The following KIAA1217 variants were observed in gnomAD, a reference collection of about 807,000 sequenced individuals.
KIAA1217 encodes the protein sickle tail protein homolog.
A neutral mutation model predicts 163.9 loss-of-function variants in KIAA1217; 88 were observed. The observed-to-expected ratio is 0.54, with a 90% CI of 0.45 to 0.64. KIAA1217 has a LOEUF of 0.64. Ranked by LOEUF, KIAA1217 falls within the 30% of genes least tolerant of loss-of-function variation. The pLI, the probability that KIAA1217 is intolerant of heterozygous loss-of-function variation, is 0.00. For missense variants in KIAA1217, 2,372 were observed against 2,475.0 expected (o/e 0.96, Z 0.88); for synonymous variants, 903 against 923.1 (o/e 0.98, Z 0.39).
At chr10:23,699,884 A>G (rs1049326796) in intron 1 of KIAA1217, among the ~76,000 whole-genome samples, 4 of 152,228 alleles carry the variant, frequency 2.6e-5, no homozygotes, top group African/African-American at 7.2e-5. Flanking sequence ...AAGGGAAGGA[A>G]CCAAGTGTTT....
At chr10:24,097,942 C>T (rs1173451629) in intron 2 of KIAA1217, among the ~76,000 whole-genome samples, 1 of 152,088 alleles carries the variant, frequency 6.6e-6, no homozygotes, top group Non-Finnish European at 1.5e-5. Flanking sequence ...GGGAAACTGC[C>T]TGGAACTACA....
rs1298412580 is a variant in KIAA1217 at position 23,704,164 on chromosome 10, GTGTGTGTGTATATATATATATA to G, written c.-321+8932_-321+8953del. On this transcript the variant is annotated intron_variant, in intron 1 of 18. Transcript: ENST00000376462. Reference sequence around the variant, plus strand: ...TGTGTGTATGTGTGTGTGTGTGTGTGTGTGTGTGTATATATATATATATATATATATATATATATATATATAT... The same window carrying G: ...TGTGTGTATGTGTGTGTGTGTGTGTGTATATATATATATATATATATATAT... 8.2e-3 allele frequency among the ~76,000 whole-genome samples: 658 copies of G among 80,592 alleles called. 13 individuals carry two copies. The highest frequency in any genetic ancestry group is 0.037 in the African/African-American group (621 of 16,858). The allele number at this position is 80,592 out of a possible 152,430, so 52.9% of individuals were successfully genotyped here.
At chr10:24,484,241 A>ATATATATTTTTTTT (rs1376083298) in intron 6 of KIAA1217, among the ~76,000 whole-genome samples, 1 of 75,146 alleles carries the variant, frequency 1.3e-5, no homozygotes, top group African/African-American at 4.9e-5. Context: ...ATATATATAT[A>ATATATATTTTTTTT]TTTTTTTTTT....
At chr10:24,258,586 C>CT (rs34467674) in intron 2 of KIAA1217, among the ~76,000 whole-genome samples, 2,621 of 138,204 alleles carry the variant, frequency 0.019, 55 homozygotes, top group African/African-American at 0.054. Context: ...GGGCTTACTT[C>CT]TTTTTTTTTT....
At chr10:24,483,794 A>G (rs2065002399) in intron 6 of KIAA1217, among the ~76,000 whole-genome samples, 1 of 152,182 alleles carries the variant, frequency 6.6e-6, no homozygotes, top group Admixed American at 6.5e-5. Context: ...TCAATTCCAG[A>G]ACACAAATGT....
At chr10:24,342,953 G>A (rs563747864) in intron 2 of KIAA1217, among the ~76,000 whole-genome samples, 5 of 152,140 alleles carry the variant, frequency 3.3e-5, no homozygotes, top group African/African-American at 7.2e-5. Context: ...CACTGCACCC[G>A]GCCGACTCAG....
chr10:24,423,323 C>T (rs1466490867), intron 3 of KIAA1217, among the ~76,000 whole-genome samples: 1 of 140,712 alleles, frequency 7.1e-6, no homozygotes, highest in Non-Finnish European at 1.6e-5. Context: ...CTCAGTTTGT[C>T]GCCCAGGCTG....
chr10:23,737,661 A>G (rs11013685), intron 1 of KIAA1217, among the ~76,000 whole-genome samples: 9 of 152,068 alleles, frequency 5.9e-5, no homozygotes, highest in African/African-American at 1.9e-4. Context: ...TACACATATT[A>G]AAAAAGATGA....
At chr10:23,885,806 T>G (rs1841145245) in intron 1 of KIAA1217, among the ~76,000 whole-genome samples, 1 of 151,900 alleles carries the variant, frequency 6.6e-6, no homozygotes, top group Non-Finnish European at 1.5e-5. Context: ...CACCCCTGCT[T>G]ATATTCACAA....
chr10:23,811,979 G>T (rs192290128), intron 1 of KIAA1217, among the ~76,000 whole-genome samples: 15 of 152,238 alleles, frequency 9.9e-5, no homozygotes, highest in Non-Finnish European at 1.9e-4. Flanking sequence ...CAGCTGTTTG[G>T]GGGGCTGAGG....
chr10:24,466,678 T>C, intron 5 of KIAA1217: 1 of 985,418 alleles, frequency 1.0e-6, no homozygotes, highest in Non-Finnish European at 1.2e-6. Flanking sequence ...AATATTCAAG[T>C]GTGCAACCAA....
intron 1 of KIAA1217, among the ~76,000 whole-genome samples, chr10:23,948,624 C>T (rs1167869499): frequency 1.3e-5 from 2 of 152,128 alleles, no homozygotes; most frequent in Non-Finnish European, 2.9e-5. Flanking sequence ...GCCATTTTCC[C>T]TCCACAAGAA....
intron 5 of KIAA1217, among the ~76,000 whole-genome samples, chr10:24,453,208 C>T (rs1177344186): frequency 6.6e-6 from 1 of 152,222 alleles, no homozygotes; most frequent in Non-Finnish European, 1.5e-5. Context: ...GTTCTCACCC[C>T]TCTGGATCTT....
chr10:24,077,539 C>T (rs1004300844), intron 2 of KIAA1217, among the ~76,000 whole-genome samples: 10 of 152,210 alleles, frequency 6.6e-5, no homozygotes, highest in African/African-American at 2.2e-4. Flanking sequence ...CCATAGTATT[C>T]TATGGTGTAT....
At chr10:24,093,766 C>T (rs1293946211) in intron 2 of KIAA1217, among the ~76,000 whole-genome samples, 9 of 149,894 alleles carry the variant, frequency 6.0e-5, no homozygotes, top group Non-Finnish European at 1.2e-4. Flanking sequence ...CGTCATTTAG[C>T]ATTAGGTATA....
chr10:24,305,745 G>C (rs2041936103), intron 2 of KIAA1217, among the ~76,000 whole-genome samples: 1 of 152,142 alleles, frequency 6.6e-6, no homozygotes, highest in African/African-American at 2.4e-5. Context: ...GGTGGGATTA[G>C]GTTGAGGTTG....
intron 2 of KIAA1217, among the ~76,000 whole-genome samples, chr10:24,173,358 A>G (rs2065721159): frequency 6.6e-6 from 1 of 152,192 alleles, no homozygotes; most frequent in Non-Finnish European, 1.5e-5. Flanking sequence ...TATATATTAC[A>G]ATGTAATAAT....
chr10:24,198,927 T>C (rs2067118416), intron 2 of KIAA1217, among the ~76,000 whole-genome samples: 1 of 152,162 alleles, frequency 6.6e-6, no homozygotes, highest in Non-Finnish European at 1.5e-5. Context: ...TGTTCAGTAT[T>C]ACATGAACAA....
intron 1 of KIAA1217, among the ~76,000 whole-genome samples, chr10:23,810,648 G>A (rs1297885594): frequency 1.6e-5 from 2 of 127,212 alleles, no homozygotes; most frequent in Admixed American, 8.6e-5. Context: ...AATATATAGT[G>A]TGTATATATA....
Sources: gnomAD v4.1 joint callset for allele counts (sites outside exome capture counted in the v4.1 genomes callset) on GRCh38, gnomAD v4.1.1 for gene constraint, MANE v1.5 for transcripts, NCBI Gene and HGNC (gene_info 2026-07-23, HGNC 2026-07-21) for gene names.